PACRG: variants seen among roughly 807,000 people sequenced by gnomAD.
PACRG encodes parkin coregulated, also known as parkin coregulated gene protein.
A neutral mutation model predicts 29.7 loss-of-function variants in PACRG; 29 were observed. That is an observed-to-expected ratio of 0.98 (90% CI 0.73 to 1.33). The LOEUF is 1.33. Among genes scored for constraint, PACRG ranks in the 40% most tolerant of loss-of-function variants. PACRG has a pLI of 0.00. For missense variants in PACRG, 279 were observed against 316.2 expected, an observed-to-expected ratio of 0.88 and a Z score of 0.89; for synonymous variants, 116 against 118.7, an observed-to-expected ratio of 0.98 and a Z score of 0.15.
intron 2 of PACRG, among the ~76,000 whole-genome samples, chr6:162,830,345 C>G (rs1788647918): frequency 1.3e-5 from 2 of 152,136 alleles, no homozygotes; most frequent in Non-Finnish European, 2.9e-5. Flanking sequence ...CTGCCCCTAC[C>G]CACTCACCCA....
intron 2 of PACRG, among the ~76,000 whole-genome samples, chr6:162,958,878 TATATATAGAGAGAGAG>T (rs1341939910): frequency 1.4e-3 from 29 of 20,178 alleles, no homozygotes; most frequent in African/African-American, 3.6e-3. Flanking sequence ...TATATATATA[TATATATAGAGAGAGAG>T]AGAGAGAGAG....
chr6:163,038,070 C>T (rs1307529912), intron 2 of PACRG, among the ~76,000 whole-genome samples: 1 of 152,178 alleles, frequency 6.6e-6, no homozygotes, highest in Non-Finnish European at 1.5e-5. Context: ...TTACCATAGG[C>T]AGCTGATGTA....
At chr6:163,254,914 C>T (rs1783048703) in intron 4 of PACRG, among the ~76,000 whole-genome samples, 1 of 152,228 alleles carries the variant, frequency 6.6e-6, no homozygotes, top group African/African-American at 2.4e-5. Flanking sequence ...CTGGTGCCTC[C>T]TCAGTATCTT....
intron 2 of PACRG, among the ~76,000 whole-genome samples, chr6:162,962,362 G>C (rs1484938426): frequency 6.6e-6 from 1 of 152,194 alleles, no homozygotes; most frequent in Non-Finnish European, 1.5e-5. Context: ...GTTTTTCTGA[G>C]AAAGTTGTTG....
intron 3 of PACRG, among the ~76,000 whole-genome samples, chr6:163,065,740 G>A (rs958598582): frequency 5.9e-5 from 9 of 152,194 alleles, no homozygotes; most frequent in Non-Finnish European, 1.5e-5. Flanking sequence ...AAATCCAGAA[G>A]AGGAGATTAG....
intron 2 of PACRG, among the ~76,000 whole-genome samples, chr6:162,887,928 A>G (rs1462130990): frequency 6.6e-6 from 1 of 152,120 alleles, no homozygotes; most frequent in Non-Finnish European, 1.5e-5. Flanking sequence ...GTAATTTATA[A>G]ACAATGAACA....
At chr6:163,308,796 C>T (rs1406900972) in intron 4 of PACRG, among the ~76,000 whole-genome samples, 1 of 152,098 alleles carries the variant, frequency 6.6e-6, no homozygotes, top group Non-Finnish European at 1.5e-5. Flanking sequence ...AGACCTGAGC[C>T]AGGCCGCCAG....
At chr6:163,308,530 G>A (rs974168639) in intron 4 of PACRG, among the ~76,000 whole-genome samples, 4 of 152,098 alleles carry the variant, frequency 2.6e-5, no homozygotes, top group Admixed American at 6.5e-5. Flanking sequence ...GCTGGGCATC[G>A]TGATGCACAC....
chr6:163,240,800 C>T (rs906349519), intron 4 of PACRG, among the ~76,000 whole-genome samples: 1 of 152,224 alleles, frequency 6.6e-6, no homozygotes, highest in South Asian at 2.1e-4. Context: ...CGGAGCGCAG[C>T]TCTGCCCATG....
chr6:163,249,762 G>A (rs1341605108), intron 4 of PACRG, among the ~76,000 whole-genome samples: 3 of 152,188 alleles, frequency 2.0e-5, no homozygotes, highest in Admixed American at 6.5e-5. Context: ...CAGGGCACCC[G>A]GCTCCGTGGT....
At chr6:163,011,874 A>C (rs902128066) in intron 2 of PACRG, among the ~76,000 whole-genome samples, 1 of 152,210 alleles carries the variant, frequency 6.6e-6, no homozygotes, top group African/African-American at 2.4e-5. Context: ...GAGCCCACAC[A>C]GGGTCAGGAG....
intron 2 of PACRG, among the ~76,000 whole-genome samples, chr6:163,006,536 G>T (rs9458711): frequency 6.6e-6 from 1 of 151,470 alleles, no homozygotes; most frequent in African/African-American, 2.4e-5. Context: ...TGAGAGAATG[G>T]CATTGAAATA....
chr6:162,874,360 T>A (rs1367307786), intron 2 of PACRG, among the ~76,000 whole-genome samples: 4 of 152,060 alleles, frequency 2.6e-5, no homozygotes, highest in Non-Finnish European at 5.9e-5. Flanking sequence ...TTATTTTTTT[T>A]ATATCATTTA....
At chr6:163,177,710 ATTTTTTTTT>A (rs398003265) in intron 4 of PACRG, among the ~76,000 whole-genome samples, 27 of 53,744 alleles carry the variant, frequency 5.0e-4, no homozygotes, top group African/African-American at 1.5e-3. Context: ...TAGAAAAGGG[ATTTTTTTTT>A]TTTTTTTTTT....
intron 2 of PACRG, among the ~76,000 whole-genome samples, chr6:162,891,637 C>T (rs1794765656): frequency 6.6e-6 from 1 of 152,146 alleles, no homozygotes; most frequent in Non-Finnish European, 1.5e-5. Flanking sequence ...TTCTTCCCAA[C>T]TCTTAGGCTG....
intron 4 of PACRG, among the ~76,000 whole-genome samples, chr6:163,127,838 C>T (rs75271594): frequency 6.6e-6 from 1 of 152,126 alleles, no homozygotes; most frequent in African/African-American, 2.4e-5. Flanking sequence ...TGACAGCCTG[C>T]TGATTATTTA....
chr6:163,097,387 T>C (rs1337753871), intron 4 of PACRG, among the ~76,000 whole-genome samples: 4 of 152,148 alleles, frequency 2.6e-5, no homozygotes, highest in African/African-American at 7.2e-5. Flanking sequence ...CAGTGGCAAA[T>C]GTGGTATATC....
chr6:162,824,178 G>A (rs1788081921), intron 2 of PACRG, among the ~76,000 whole-genome samples: 1 of 152,086 alleles, frequency 6.6e-6, no homozygotes, highest in African/African-American at 2.4e-5. Context: ...TGAGTTGACT[G>A]TGAATGGATG....
chr6:163,062,115 T>C (rs917869088), intron 2 of PACRG, 35 bp from the exon 3 acceptor site: 2 of 1,608,478 alleles, frequency 1.2e-6, no homozygotes, highest in Non-Finnish European at 1.7e-6. Context: ...CCGAATGCTG[T>C]TTTCACATGG....
Sources: gnomAD v4.1 joint callset for allele counts (sites outside exome capture counted in the v4.1 genomes callset) on GRCh38, gnomAD v4.1.1 for gene constraint, MANE v1.5 for transcripts, NCBI Gene and HGNC (gene_info 2026-07-23, HGNC 2026-07-21) for gene names.